SLC38A3: variants seen among roughly 807,000 people sequenced by gnomAD.
SLC38A3 encodes solute carrier family 38 member 3.
A neutral mutation model predicts 59.5 loss-of-function variants in SLC38A3; 17 were observed. The ratio of observed to expected loss-of-function variants is 0.29; its 90% CI spans 0.20 to 0.43. The LOEUF is 0.43. SLC38A3 is among the 20% of genes least tolerant of loss of function. SLC38A3 has a pLI of 1.00. For missense variants in SLC38A3, 454 were observed against 653.9 expected (o/e 0.69, Z 3.33); for synonymous variants, 238 against 260.3 (o/e 0.91, Z 0.82).
At chr3:50,205,499 C>T (rs1463182113) in intron 1 of SLC38A3, among the ~76,000 whole-genome samples, 151 bp downstream of exon 1, 11 of 152,266 alleles carry the variant, frequency 7.2e-5, no homozygotes, top group Admixed American at 7.2e-4. Context: ...AGCCAAAGCC[C>T]CGCGCGCTCC....
chr3:50,217,383 C>T lies in SLC38A3; in HGVS notation c.632-32C>T. On this transcript the variant is annotated intron_variant, in intron 8 of 15. Coordinates refer to ENST00000614032, the MANE Select transcript of SLC38A3 (RefSeq NM_006841.6). This position sits in a 1 kb window ranked among gnomAD's most constrained non-coding sequence, Gnocchi z 4.9. ...GGAGGCATACACCATGGGAGGGGCC[C>T]CAGGTCTCAGAGTGCTCCCTCCACT... The T allele has an allele frequency of 1.2e-6, 2 of 1,612,104 alleles. No individual in the cohort carries two copies. The highest frequency in any genetic ancestry group is 4.5e-5 in the East Asian group (2 of 44,838).
chr3:50,206,071 G>C (rs983506771), intron 1 of SLC38A3, among the ~76,000 whole-genome samples: 1 of 152,260 alleles, frequency 6.6e-6, no homozygotes, highest in African/African-American at 2.4e-5. Context: ...CGCAGCGCAC[G>C]GCGGAGAGAA....
chr3:50,208,736 G>T (rs986375334), intron 1 of SLC38A3, among the ~76,000 whole-genome samples: 1 of 152,138 alleles, frequency 6.6e-6, no homozygotes, highest in Non-Finnish European at 1.5e-5. Flanking sequence ...TTCTGTCTGT[G>T]TCCCTCTGTG....
In SLC38A3 at chr3:50,214,594, G is replaced by A. The variant is rs371453211; in HGVS notation, c.184-59G>A. 42 of 1,472,030 alleles carry A rather than the reference G, an allele frequency of 2.9e-5. No homozygotes were observed. In the African/African-American group the frequency reaches 3.6e-4, roughly 13 times the overall value. The allele number at this position is 1,472,030 out of a possible 1,614,324, so 91.2% of individuals were successfully genotyped here. ...TGAGGGACAGTCAGGGGAAGGCTGC[G>A]ATGCCCCTGTCCCTTGCTGACTCCT... On this transcript the variant is annotated intron_variant, in intron 3 of 15. Coordinates refer to ENST00000614032, the MANE Select transcript of SLC38A3 (RefSeq NM_006841.6). The surrounding 1 kb of genome is among the most constrained non-coding windows in gnomAD (Gnocchi z 6.0).
Position 50,214,907 on chromosome 3 carries a change from T to G in SLC38A3, c.299+139T>G. ...ACTTCTTACACTAACAAACCGCGGC[T>G]GAAAAAAACATCCACAGCCAAACAA... On this transcript the variant is annotated intron_variant, in intron 4 of 15. Transcript: ENST00000614032. The surrounding 1 kb of genome is among the most constrained non-coding windows in gnomAD (Gnocchi z 6.0). 1.5e-6 allele frequency: 1 copy of G among 665,006 alleles called. No individual in the cohort carries two copies. The highest frequency in any genetic ancestry group is 2.7e-6 in the Non-Finnish European group (1 of 374,836). The allele number at this position is 665,006 out of a possible 1,614,324, so 41.2% of individuals were successfully genotyped here.
intron 1 of SLC38A3, among the ~76,000 whole-genome samples, chr3:50,211,520 G>C (rs1699727010): frequency 5.5e-5 from 1 of 18,186 alleles, no homozygotes; most frequent in Non-Finnish European, 1.1e-4. Context: ...TGGAATTTTA[G>C]TACTGGCTTC....
At position 50,215,264 on chromosome 3, in the gene SLC38A3, G is replaced by A; in HGVS notation, c.300-122G>A. ...GCTGAGCTGGCATCCATACCTGTTG[G>A]GAGTCCAGACACCCAGGTCACAGAC... is the stretch of plus-strand genomic sequence containing the variant. On this transcript the variant is annotated intron_variant, in intron 4 of 15. Coordinates refer to ENST00000614032, the MANE Select transcript of SLC38A3 (RefSeq NM_006841.6). This position sits in a 1 kb window ranked among gnomAD's most constrained non-coding sequence, Gnocchi z 7.1. 1.2e-6 allele frequency: 1 copy of A among 814,542 alleles called. No homozygotes were observed. Among genetic ancestry groups the A allele is most frequent in the Non-Finnish European group, 2.1e-6 (1 of 482,940 alleles). 50.5% of individuals were successfully genotyped at this position (814,542 alleles called of 1,614,324 possible).
At position 50,221,161 on chromosome 3, in the gene SLC38A3, G is replaced by C. The variant is rs587620364; in HGVS notation, c.*984G>C. On this transcript the variant is annotated 3_prime_UTR_variant, in exon 16 of 16. Coordinates refer to ENST00000614032, the MANE Select transcript of SLC38A3 (RefSeq NM_006841.6). ...CTAACCAGTGGCACACTCAGACCCAGCTCTGGGCCTGGGCCAGGCTCAGCA... is the reference window on the plus strand; with the variant it reads ...CTAACCAGTGGCACACTCAGACCCACCTCTGGGCCTGGGCCAGGCTCAGCA... 8.4e-6 allele frequency: 1 copy of C among 119,356 alleles called. No individual in the cohort carries two copies. Among genetic ancestry groups the C allele is most frequent in the African/African-American group, 3.2e-5 (1 of 31,500 alleles). The allele number at this position is 119,356 out of a possible 1,614,324, so 7.4% of individuals were successfully genotyped here. A position where few individuals can be genotyped will look rare whatever the true frequency, so the allele number is the denominator to read the frequency against.
chr3:50,218,314 C>T lies in SLC38A3; in HGVS notation c.980C>T (p.Ala327Val). The T allele has an allele frequency of 1.9e-6, 3 of 1,613,774 alleles. No individual in the cohort carries two copies. The highest frequency in any genetic ancestry group is 2.5e-6 in the Non-Finnish European group (3 of 1,179,676). Reference sequence around the variant, plus strand: ...CAGCACATCTCCAACCTGTCCATCGCTGTCATGTACATCATGTACTTCCTG... The same window carrying T: ...CAGCACATCTCCAACCTGTCCATCGTTGTCATGTACATCATGTACTTCCTG... Reference protein sequence around the residue: ...KMQHISNLSIAVMYIMYFLAA... With the variant: ...KMQHISNLSIVVMYIMYFLAA... Residue 327 changes from alanine (A) to valine (V), a missense_variant, in exon 12 of 16, where the codon GCT (alanine) becomes GTT (valine). By Grantham distance (64) the Ala-to-Val change is moderately conservative. Transcript: ENST00000614032. The surrounding 1 kb of genome is among the most constrained non-coding windows in gnomAD (Gnocchi z 5.8).
rs1284367177 is a variant in SLC38A3, at chr3:50,215,498, G to A, written c.373+39G>A. On this transcript the variant is annotated intron_variant, in intron 5 of 15. Coordinates refer to ENST00000614032, the MANE Select transcript of SLC38A3 (RefSeq NM_006841.6). The surrounding 1 kb of genome is among the most constrained non-coding windows in gnomAD (Gnocchi z 7.1). ...CAGCCTGGAATGGGCGGGAGCTGGT[G>A]GGTAAACTGGGACAAGCTCCTGACT... The A allele has an allele frequency of 4.3e-6, 7 of 1,613,242 alleles. No homozygotes were observed. The highest frequency in any genetic ancestry group is 5.9e-6 in the Non-Finnish European group (7 of 1,179,302).
chr3:50,215,230 CT>C lies in SLC38A3; in HGVS notation c.300-155del, dbSNP rs980367434. On this transcript the variant is annotated intron_variant, in intron 4 of 15. Coordinates refer to ENST00000614032, the MANE Select transcript of SLC38A3 (RefSeq NM_006841.6). This position sits in a 1 kb window ranked among gnomAD's most constrained non-coding sequence, Gnocchi z 7.1. ...TCAAAGGGGGTGGTGTTCATCACCC[CT>C]GGGGCCTGCTGAGCTGGCATCCATA... 3.0e-6 allele frequency: 2 copies of C among 667,010 alleles called. No individual in the cohort carries two copies. Among genetic ancestry groups the C allele is most frequent in the African/African-American group, 3.6e-5 (2 of 55,632 alleles). The allele number at this position is 667,010 out of a possible 1,614,324, so 41.3% of individuals were successfully genotyped here.
chr3:50,213,194 G>C (rs547997965), intron 1 of SLC38A3, among the ~76,000 whole-genome samples: 3 of 152,268 alleles, frequency 2.0e-5, no homozygotes, highest in Admixed American at 2.0e-4. Flanking sequence ...GACTGATCTG[G>C]TGACCCAGGC....
chr3:50,218,217 C>T lies in SLC38A3; in HGVS notation c.936-53C>T. On this transcript the variant is annotated intron_variant, in intron 11 of 15. Transcript: ENST00000614032. The surrounding 1 kb of genome is among the most constrained non-coding windows in gnomAD (Gnocchi z 5.8). ...GAGAGAGCTTGGGGCACATGGGGGTCTCCCAATGTTACCCAGCTTGTCACC... is the reference window on the plus strand; with the variant it reads ...GAGAGAGCTTGGGGCACATGGGGGTTTCCCAATGTTACCCAGCTTGTCACC... 7.7e-7 allele frequency: 1 copy of T among 1,300,528 alleles called. No individual in the cohort carries two copies. Among genetic ancestry groups the T allele is most frequent in the South Asian group, 1.2e-5 (1 of 84,228 alleles). The allele number at this position is 1,300,528 out of a possible 1,614,324, so 80.6% of individuals were successfully genotyped here. A position where few individuals can be genotyped will look rare whatever the true frequency, so the allele number is the denominator to read the frequency against.
At position 50,218,946 on chromosome 3, in the gene SLC38A3, T is replaced by C; in HGVS notation, c.1304T>C (p.Ile435Thr). Residue 435 changes from isoleucine (I) to threonine (T), a missense_variant and splice_region_variant, in exon 14 of 16, where the codon ATC (isoleucine) becomes ACC (threonine). Around this residue, in one of 3 missense-constraint regions of SLC38A3, gnomAD observed 5 missense variants for 25.2 expected, o/e 0.20. Transcript: ENST00000614032. This position sits in a 1 kb window ranked among gnomAD's most constrained non-coding sequence, Gnocchi z 5.8. ...AACATCCTGGGCATCTTTGGGGTCA[T>C]CGGTGAGGGTCTGGCCCTGCTGTGG... ...APNILGIFGVIGATSAPFLIF... is the reference protein window; with the variant it reads ...APNILGIFGVTGATSAPFLIF... 6.2e-7 allele frequency: 1 copy of C among 1,609,390 alleles called. No homozygotes were observed. The highest frequency in any genetic ancestry group is 8.5e-7 in the Non-Finnish European group (1 of 1,176,178).
chr3:50,218,082 A>C lies in SLC38A3; in HGVS notation c.935+86A>C. 2.2e-6 allele frequency: 3 copies of C among 1,370,632 alleles called. No individual in the cohort carries two copies. Among genetic ancestry groups the C allele is most frequent in the Non-Finnish European group, 3.1e-6 (3 of 970,990 alleles). The allele number at this position is 1,370,632 out of a possible 1,614,324, so 84.9% of individuals were successfully genotyped here. ...ATGTGGTCCTGAATGTGGAGAGGGG[A>C]GTGACAGGAGCCAAGTCACTTTATC... On this transcript the variant is annotated intron_variant, in intron 11 of 15. Transcript: ENST00000614032. The surrounding 1 kb of genome is among the most constrained non-coding windows in gnomAD (Gnocchi z 5.8).
At chr3:50,210,088 T>A (rs1699702835) in intron 1 of SLC38A3, among the ~76,000 whole-genome samples, 1 of 152,212 alleles carries the variant, frequency 6.6e-6, no homozygotes, top group South Asian at 2.1e-4. Flanking sequence ...CTTGAGAACA[T>A]GCAGTCCAAA....
rs587710632 is a variant in SLC38A3 at position 50,217,671 on chromosome 3, T to C, written c.691-5T>C. On this transcript the variant is annotated splice_region_variant and splice_polypyrimidine_tract_variant and intron_variant, in intron 9 of 15. Transcript: ENST00000614032. This position sits in a 1 kb window ranked among gnomAD's most constrained non-coding sequence, Gnocchi z 4.9. The stretch of plus-strand genomic sequence containing the variant: ...CTCTGACACCCTCATCCCTCCCCAC[T>C]CCAGGTCATCTACAAAAAGTTCCAC... The C allele has an allele frequency of 8.7e-6, 14 of 1,613,730 alleles. No individual in the cohort carries two copies. Among genetic ancestry groups the C allele is most frequent in the Admixed American group, 6.7e-5 (4 of 59,994 alleles).
At position 50,214,967 on chromosome 3, in the gene SLC38A3, A is replaced by C; in HGVS notation, c.299+199A>C. 1 of 609,768 alleles carries C rather than the reference A, an allele frequency of 1.6e-6. No individual in the cohort carries two copies. Among genetic ancestry groups the C allele is most frequent in the Non-Finnish European group, 2.9e-6 (1 of 344,786 alleles). The allele number at this position is 609,768 out of a possible 1,614,324, so 37.8% of individuals were successfully genotyped here. On this transcript the variant is annotated intron_variant, in intron 4 of 15. Coordinates refer to ENST00000614032, the MANE Select transcript of SLC38A3 (RefSeq NM_006841.6). The surrounding 1 kb of genome is among the most constrained non-coding windows in gnomAD (Gnocchi z 6.0). ...ACTGCCCAGTAAACCGACTGAGGTC[A>C]CAACACAGGCCGGTCTTACAGGCCA... is the stretch of plus-strand genomic sequence containing the variant.
At chr3:50,209,541 C>A (rs1312129552) in intron 1 of SLC38A3, among the ~76,000 whole-genome samples, 1 of 151,614 alleles carries the variant, frequency 6.6e-6, no homozygotes, top group African/African-American at 2.4e-5. Context: ...CCCAGCTACT[C>A]GGGAAGCTGA....
Sources: gnomAD v4.1 joint callset for allele counts (sites outside exome capture counted in the v4.1 genomes callset) on GRCh38, gnomAD v4.1.1 for gene constraint, gnomAD v4.1.1 regional missense constraint, Gnocchi (gnomAD v3.1) non-coding constraint, MANE v1.5 for transcripts, NCBI Gene and HGNC (gene_info 2026-07-23, HGNC 2026-07-21) for gene names.